CNTNAP2: variants seen among roughly 807,000 people sequenced by gnomAD.
The protein encoded by CNTNAP2 is contactin associated protein 2, also known as contactin-associated protein-like 2.
In CNTNAP2, 98 loss-of-function variants were observed where a neutral mutation model predicts 155.2. The ratio of observed to expected loss-of-function variants is 0.63; its 90% CI spans 0.54 to 0.75. The LOEUF (loss-of-function observed/expected upper bound fraction) is 0.75, where lower values mean the gene tolerates loss of function less well. Ranked by LOEUF, CNTNAP2 falls within the 30% of genes least tolerant of loss-of-function variation. The pLI is 0.00. For missense variants in CNTNAP2, 1,727 were observed against 1,688.1 expected, an observed-to-expected ratio of 1.02 and a Z score of -0.40; for synonymous variants, 651 against 631.2, an observed-to-expected ratio of 1.03 and a Z score of -0.47.
chr7:148,288,908 CTT>C (rs1797140092), intron 21 of CNTNAP2, among the ~76,000 whole-genome samples: 1 of 122,826 alleles, frequency 8.1e-6, no homozygotes, highest in Non-Finnish European at 1.6e-5. Context: ...TCTACTTTGA[CTT>C]TTTAATTACA....
intron 8 of CNTNAP2, among the ~76,000 whole-genome samples, chr7:147,244,869 T>G (rs1254879854): frequency 6.6e-6 from 1 of 152,200 alleles, no homozygotes; most frequent in Non-Finnish European, 1.5e-5. Flanking sequence ...AGATACTTAT[T>G]TCTTAGATTC....
At chr7:146,147,597 C>T (rs943051679) in intron 1 of CNTNAP2, among the ~76,000 whole-genome samples, 2 of 152,222 alleles carry the variant, frequency 1.3e-5, no homozygotes, top group African/African-American at 4.8e-5. Context: ...CTAGGAACTG[C>T]AGGCTCTGTA....
intron 15 of CNTNAP2, among the ~76,000 whole-genome samples, chr7:148,052,876 A>G (rs755928892): frequency 1.1e-4 from 16 of 152,116 alleles, no homozygotes; most frequent in Non-Finnish European, 2.1e-4. Flanking sequence ...GTGAAACCTC[A>G]TATCTAGTAA....
chr7:148,285,537 T>G (rs375018183), intron 21 of CNTNAP2, among the ~76,000 whole-genome samples: 1 of 152,280 alleles, frequency 6.6e-6, no homozygotes, highest in Admixed American at 6.5e-5. Flanking sequence ...TGGAGGACAG[T>G]GTATGTTGAA....
intron 3 of CNTNAP2, among the ~76,000 whole-genome samples, chr7:146,939,468 C>A (rs763913901): frequency 7.4e-4 from 112 of 152,252 alleles, no homozygotes; most frequent in Non-Finnish European, 1.4e-3. Context: ...ATTTTTACTT[C>A]TTTCTCTGAA....
intron 18 of CNTNAP2, among the ~76,000 whole-genome samples, chr7:148,216,661 A>AT: frequency 6.6e-6 from 1 of 151,846 alleles, no homozygotes; most frequent in South Asian, 2.1e-4. Context: ...GGTATGTGAA[A>AT]TTTTTTTCTG....
chr7:146,581,353 T>A (rs796598580), intron 1 of CNTNAP2, among the ~76,000 whole-genome samples: 5 of 152,254 alleles, frequency 3.3e-5, no homozygotes, highest in African/African-American at 1.2e-4. Flanking sequence ...TTTTATTTTG[T>A]TATATTGCAA....
At chr7:148,356,116 T>C (rs1429010011) in intron 21 of CNTNAP2, among the ~76,000 whole-genome samples, 1 of 150,668 alleles carries the variant, frequency 6.6e-6, no homozygotes, top group African/African-American at 2.5e-5. Flanking sequence ...TTCACAACTT[T>C]TAAAAATTTT....
intron 1 of CNTNAP2, among the ~76,000 whole-genome samples, chr7:146,555,263 C>T (rs1026252401): frequency 6.6e-6 from 1 of 152,146 alleles, no homozygotes; most frequent in African/African-American, 2.4e-5. Context: ...CTTCCCACAC[C>T]ATCTCACCCC....
At chr7:146,476,410 A>G (rs941517750) in intron 1 of CNTNAP2, among the ~76,000 whole-genome samples, 4 of 152,226 alleles carry the variant, frequency 2.6e-5, no homozygotes, top group African/African-American at 4.8e-5. Context: ...CATAGCTGCT[A>G]TGGAAAATAA....
At chr7:147,470,019 A>T (rs1187259636) in intron 10 of CNTNAP2, among the ~76,000 whole-genome samples, 1 of 152,190 alleles carries the variant, frequency 6.6e-6, no homozygotes, top group Non-Finnish European at 1.5e-5. Context: ...AGGCAGAGTG[A>T]GCAGGAGGAA....
chr7:148,163,731 T>C (rs1805594979), intron 17 of CNTNAP2, among the ~76,000 whole-genome samples: 1 of 152,228 alleles, frequency 6.6e-6, no homozygotes. Flanking sequence ...GCTTTTTTCA[T>C]ACTTGCCCTC....
At chr7:148,266,186 C>T (rs1208694368) in intron 20 of CNTNAP2, among the ~76,000 whole-genome samples, 1 of 152,198 alleles carries the variant, frequency 6.6e-6, no homozygotes, top group Admixed American at 6.5e-5. Context: ...CTGACCTTAG[C>T]ACGTATTAAA....
rs557083438 is a variant in CNTNAP2, at chr7:147,040,362, G to A, written c.403-3545G>A. On this transcript the variant is annotated intron_variant, in intron 3 of 23. Transcript: ENST00000361727. Reference sequence around the variant, plus strand: ...ATGAATGAAGCATTTTAGCAGAAGGGCTAAAACTGAGTCTCATTGAGTTAG... The same window carrying A: ...ATGAATGAAGCATTTTAGCAGAAGGACTAAAACTGAGTCTCATTGAGTTAG... Among the ~76,000 whole-genome samples the A allele has an allele frequency of 8.5e-5, 13 of 152,130 alleles. No individual in the cohort carries two copies. The South Asian group carries it at 1.7e-3, about 19-fold the overall frequency.
At chr7:146,130,976 A>C (rs887028717) in intron 1 of CNTNAP2, among the ~76,000 whole-genome samples, 1 of 152,192 alleles carries the variant, frequency 6.6e-6, no homozygotes, top group African/African-American at 2.4e-5. Flanking sequence ...CACCCTTGGC[A>C]CTTGGGGATT....
chr7:148,283,723 T>C (rs1797030716), intron 21 of CNTNAP2, among the ~76,000 whole-genome samples: 1 of 152,214 alleles, frequency 6.6e-6, no homozygotes, highest in East Asian at 1.9e-4. Context: ...GCTGAAATGC[T>C]ATCTATTGCT....
At chr7:146,604,739 C>T (rs1461913044) in intron 1 of CNTNAP2, among the ~76,000 whole-genome samples, 2 of 138,866 alleles carry the variant, frequency 1.4e-5, no homozygotes, top group Non-Finnish European at 3.2e-5. Flanking sequence ...GAATACTATG[C>T]AGCCATAAAA....
chr7:147,798,532 G>C (rs1395356517), intron 13 of CNTNAP2, among the ~76,000 whole-genome samples: 4 of 152,186 alleles, frequency 2.6e-5, no homozygotes, highest in Admixed American at 1.3e-4. Context: ...CTGGAAGTGA[G>C]ATGGCTGTGT....
intron 8 of CNTNAP2, among the ~76,000 whole-genome samples, chr7:147,186,639 G>C (rs181926440): frequency 9.8e-5 from 15 of 152,300 alleles, no homozygotes; most frequent in Non-Finnish European, 1.3e-4. Flanking sequence ...ACACACTGGA[G>C]AGTGGAAAAT....
Sources: allele counts gnomAD v4.1 joint callset (sites outside exome capture counted in the v4.1 genomes callset), GRCh38; gene constraint gnomAD v4.1.1; transcripts MANE v1.5; gene names NCBI Gene and HGNC (gene_info 2026-07-23, HGNC 2026-07-21).